Variants in EML4 observed in about 807,000 individuals in gnomAD.
EML4 encodes the protein EMAP like 4, also known as echinoderm microtubule-associated protein-like 4.
In EML4, 72 loss-of-function variants were observed where a neutral mutation model predicts 129.0. That is an observed-to-expected ratio of 0.56 (90% confidence interval 0.46 to 0.68). The LOEUF (loss-of-function observed/expected upper bound fraction) is 0.68, where lower values mean the gene tolerates loss of function less well. EML4 is among the 30% of genes least tolerant of loss of function. The pLI is 0.00. For synonymous variants in EML4, 532 were observed against 405.0 expected (o/e 1.31, Z -3.77); for missense variants, 1,363 against 1,190.6 (o/e 1.14, Z -2.13).
intron 11 of EML4, among the ~76,000 whole-genome samples, chr2:42,290,754 A>T (rs1667594936): frequency 6.6e-6 from 1 of 152,130 alleles, no homozygotes; most frequent in South Asian, 2.1e-4. Context: ...TTTAATTTTC[A>T]AAATAAAAAT....
intron 6 of EML4, 44 bp downstream of exon 6, chr2:42,264,775 G>A (rs772783606): frequency 6.9e-7 from 1 of 1,454,208 alleles, no homozygotes; most frequent in South Asian, 1.2e-5. Context: ...GCCCTTCTTA[G>A]TTTAATTTTT....
Position 42,315,938 on chromosome 2 carries a change from A to C in EML4, c.1968-24A>C, listed in dbSNP as rs866246924. On this transcript the variant is annotated intron_variant, in intron 17 of 22. Transcript: ENST00000318522. ...CTATAAATGCTAATATCTGAAGAAA[A>C]TTTTGATTTTTACTTCTTAACAGGT... 4 of 1,561,538 alleles carry C rather than the reference A, an allele frequency of 2.6e-6. No homozygotes were observed. In the Middle Eastern group the frequency reaches 6.8e-4, roughly 265 times the overall value.
At chr2:42,176,930 G>A (rs1572829313) in intron 1 of EML4, among the ~76,000 whole-genome samples, 1 of 152,000 alleles carries the variant, frequency 6.6e-6, no homozygotes, top group East Asian at 1.9e-4. Context: ...ACTAGGTGGT[G>A]TTACAGGTGT....
chr2:42,249,801 A>G (rs533396575), intron 2 of EML4, among the ~76,000 whole-genome samples: 2 of 152,258 alleles, frequency 1.3e-5, no homozygotes, highest in African/African-American at 2.4e-5. Context: ...AAATTTTCCC[A>G]TGAGTTTTTA....
At chr2:42,293,166 TG>T (rs1292676044) in intron 11 of EML4, among the ~76,000 whole-genome samples, 1 of 152,036 alleles carries the variant, frequency 6.6e-6, no homozygotes, top group Non-Finnish European at 1.5e-5. Context: ...TGGAGTGCAG[TG>T]GCTTAATCAC....
At chr2:42,181,139 T>C (rs1670913961) in intron 1 of EML4, among the ~76,000 whole-genome samples, 1 of 152,226 alleles carries the variant, frequency 6.6e-6, no homozygotes, top group Admixed American at 6.5e-5. Context: ...ACAATTTTAG[T>C]AATTGCAAAA....
chr2:42,315,480 A>T (rs928448189), intron 17 of EML4, among the ~76,000 whole-genome samples: 4 of 152,214 alleles, frequency 2.6e-5, no homozygotes, highest in African/African-American at 7.2e-5. Context: ...ATATTTATGT[A>T]TATTTTATCT....
intron 6 of EML4, among the ~76,000 whole-genome samples, chr2:42,279,142 AT>A (rs1041983508): frequency 2.6e-5 from 4 of 152,030 alleles, no homozygotes; most frequent in African/African-American, 9.7e-5. Flanking sequence ...GTTTTTTATT[AT>A]TGCAAGATGT....
At chr2:42,327,760 T>G (rs1669889176) in intron 21 of EML4, among the ~76,000 whole-genome samples, 1 of 152,196 alleles carries the variant, frequency 6.6e-6, no homozygotes, top group Non-Finnish European at 1.5e-5. Context: ...TAAAAAGAAG[T>G]GTTATGCTCA....
At chr2:42,223,824 G>C (rs1298361165) in intron 1 of EML4, among the ~76,000 whole-genome samples, 1 of 152,100 alleles carries the variant, frequency 6.6e-6, no homozygotes. Context: ...TTATGAAAAA[G>C]TTGAAGTTGC....
intron 17 of EML4, among the ~76,000 whole-genome samples, chr2:42,315,517 C>T (rs913588784): frequency 1.3e-5 from 2 of 151,996 alleles, no homozygotes; most frequent in African/African-American, 4.8e-5. Context: ...ATGAATTTAT[C>T]CTTCATTAGA....
At chr2:42,294,707 A>G (rs1442937441) in intron 11 of EML4, among the ~76,000 whole-genome samples, 1 of 152,132 alleles carries the variant, frequency 6.6e-6, no homozygotes, top group Non-Finnish European at 1.5e-5. Flanking sequence ...AAAAAAAAAA[A>G]AAATTGTTGC....
At chr2:42,292,073 A>C (rs1370285125) in intron 11 of EML4, among the ~76,000 whole-genome samples, 1 of 152,234 alleles carries the variant, frequency 6.6e-6, no homozygotes, top group East Asian at 1.9e-4. Context: ...TTATCTCTTC[A>C]GTTCTTAGGC....
At chr2:42,326,418 G>A (rs958919047) in intron 21 of EML4, among the ~76,000 whole-genome samples, 166 bp downstream of exon 21, 1 of 152,156 alleles carries the variant, frequency 6.6e-6, no homozygotes, top group African/African-American at 2.4e-5. Flanking sequence ...ACCAACATGG[G>A]ATTTGTATTT....
intron 8 of EML4, 28 bp from the exon 9 acceptor site, chr2:42,284,606 T>TA: frequency 6.4e-7 from 1 of 1,563,614 alleles, no homozygotes; most frequent in East Asian, 2.3e-5. Flanking sequence ...TTCCTGTGTT[T>TA]AAAATCATTC....
intron 2 of EML4, among the ~76,000 whole-genome samples, chr2:42,251,694 T>A (rs1249747516): frequency 6.6e-6 from 1 of 152,236 alleles, no homozygotes; most frequent in East Asian, 1.9e-4. Context: ...GTTGGAGCCA[T>A]GAGGCATGTG....
chr2:42,266,057 A>G (rs1442533015), intron 6 of EML4, among the ~76,000 whole-genome samples: 3 of 152,162 alleles, frequency 2.0e-5, no homozygotes, highest in African/African-American at 4.8e-5. Flanking sequence ...TTTCTGTTCT[A>G]TTATAGTAAC....
At position 42,332,080 on chromosome 2, in the gene EML4, A is replaced by G. The variant is rs1385161174; in HGVS notation, c.*1873A>G. ...TCTGTCTGTTAGCAATGATTATTAC[A>G]TCATCAGATCAGCATGTGCTATACT... On this transcript the variant is annotated 3_prime_UTR_variant, in exon 23 of 23. Coordinates refer to ENST00000318522, the MANE Select transcript of EML4 (RefSeq NM_019063.5). The G allele has an allele frequency of 9.0e-6, 2 of 221,628 alleles. No homozygotes were observed. Among genetic ancestry groups the G allele is most frequent in the South Asian group, 1.9e-4 (1 of 5,394 alleles). 13.7% of individuals were successfully genotyped at this position (221,628 alleles called of 1,614,324 possible). A position where few individuals can be genotyped will look rare whatever the true frequency, so the allele number is the denominator to read the frequency against.
At chr2:42,260,489 GTCAC>G (rs529567043) in intron 3 of EML4, among the ~76,000 whole-genome samples, 1 of 152,214 alleles carries the variant, frequency 6.6e-6, no homozygotes, top group Admixed American at 6.5e-5. Flanking sequence ...TTTAAATTGT[GTCAC>G]TCACACTAAA....
Sources: gnomAD v4.1 joint callset for allele counts (sites outside exome capture counted in the v4.1 genomes callset) on GRCh38, gnomAD v4.1.1 for gene constraint, MANE v1.5 for transcripts, NCBI Gene and HGNC (gene_info 2026-07-23, HGNC 2026-07-21) for gene names.